The following GFOD1 variants were observed in gnomAD, a reference collection of about 807,000 sequenced individuals.
The protein encoded by GFOD1 is glucose-fructose oxidoreductase domain-containing protein 1.
In GFOD1, 9 loss-of-function variants were observed where a neutral mutation model predicts 25.4. The observed-to-expected ratio is 0.35, with a 90% confidence interval of 0.21 to 0.62. The LOEUF is 0.62. GFOD1 is among the 20% of genes least tolerant of loss of function. The probability of loss-of-function intolerance (pLI) is 0.72; values close to 1 mark genes in which losing one functional copy is unlikely to be tolerated. For synonymous variants in GFOD1, 253 were observed against 245.6 expected (o/e 1.03, Z -0.28); for missense variants, 403 against 556.9 (o/e 0.72, Z 2.78).
chr6:13,443,776 AT>A (rs1757955475), intron 1 of GFOD1, among the ~76,000 whole-genome samples: 1 of 147,700 alleles, frequency 6.8e-6, no homozygotes, highest in South Asian at 2.1e-4. Context: ...AAATTGCACC[AT>A]TGCACTCCAG....
intron 1 of GFOD1, among the ~76,000 whole-genome samples, chr6:13,394,178 TC>T (rs1369419927): frequency 6.6e-6 from 1 of 152,176 alleles, no homozygotes; most frequent in Non-Finnish European, 1.5e-5. Context: ...TCACACATTA[TC>T]TTTTTCATAA....
In GFOD1 at chr6:13,359,192, G is replaced by T. The variant is rs549896082; in HGVS notation, c.*5551C>A. On this transcript the variant is annotated 3_prime_UTR_variant, in exon 2 of 2. Transcript: ENST00000379287. ...CCAGCTGCTGGCTCCTGTGCCTGGCGGGGAGAAGGTGGAGAGGCGGGCATG... is the reference window on the plus strand; with the variant it reads ...CCAGCTGCTGGCTCCTGTGCCTGGCTGGGAGAAGGTGGAGAGGCGGGCATG... 1 of 152,278 alleles carries T rather than the reference G, an allele frequency of 6.6e-6. No individual in the cohort carries two copies. The highest frequency in any genetic ancestry group is 2.4e-5 in the African/African-American group (1 of 41,436). The allele number at this position is 152,278 out of a possible 1,614,324, so 9.4% of individuals were successfully genotyped here. A position where few individuals can be genotyped will look rare whatever the true frequency, so the allele number is the denominator to read the frequency against.
chr6:13,371,471 C>T (rs534790190), intron 1 of GFOD1, among the ~76,000 whole-genome samples: 2 of 152,252 alleles, frequency 1.3e-5, no homozygotes, highest in Admixed American at 1.3e-4. Flanking sequence ...AAATGTGGTG[C>T]CCACTTTCTG....
intron 1 of GFOD1, among the ~76,000 whole-genome samples, chr6:13,460,786 C>T (rs896741664): frequency 3.3e-5 from 5 of 152,156 alleles, no homozygotes; most frequent in Non-Finnish European, 7.3e-5. Context: ...GGCACACATT[C>T]ACCTATGTAA....
intron 1 of GFOD1, chr6:13,470,444 G>T (rs778859122): frequency 6.5e-7 from 1 of 1,550,232 alleles, no homozygotes; most frequent in Non-Finnish European, 8.7e-7. Context: ...AAGTTAGACA[G>T]GCTGCATCCC....
chr6:13,374,104 C>T (rs1349755411), intron 1 of GFOD1, among the ~76,000 whole-genome samples: 6 of 152,110 alleles, frequency 3.9e-5, no homozygotes, highest in Non-Finnish European at 7.4e-5. Flanking sequence ...TCTACACAAC[C>T]AGGTACTTGT....
intron 1 of GFOD1, among the ~76,000 whole-genome samples, chr6:13,460,311 A>G (rs1017161927): frequency 1.2e-4 from 18 of 152,190 alleles, no homozygotes; most frequent in African/African-American, 4.3e-4. Context: ...TCCCATTACT[A>G]GGTATATACT....
intron 1 of GFOD1, among the ~76,000 whole-genome samples, chr6:13,452,742 G>A (rs1758121056): frequency 1.3e-5 from 2 of 152,016 alleles, no homozygotes; most frequent in African/African-American, 4.8e-5. Flanking sequence ...GAGCCAAGCA[G>A]GCAGACTTAG....
chr6:13,486,378 C>T, intron 1 of GFOD1: 1 of 572,940 alleles, frequency 1.7e-6, no homozygotes. Context: ...GGAACACACG[C>T]CTTCTCCAGC....
intron 1 of GFOD1, among the ~76,000 whole-genome samples, chr6:13,366,318 C>T (rs1212082590): frequency 6.6e-6 from 1 of 151,728 alleles, no homozygotes; most frequent in South Asian, 2.1e-4. Context: ...GTAGCTAAGA[C>T]AGTAGGTGCC....
intron 1 of GFOD1, among the ~76,000 whole-genome samples, chr6:13,455,748 C>A (rs1053504256): frequency 2.6e-5 from 4 of 152,180 alleles, no homozygotes; most frequent in Non-Finnish European, 5.9e-5. Context: ...CAGAAGGTCA[C>A]CTTGCCCCAT....
chr6:13,389,357 C>T (rs1243095221), intron 1 of GFOD1, among the ~76,000 whole-genome samples: 1 of 152,200 alleles, frequency 6.6e-6, no homozygotes, highest in Non-Finnish European at 1.5e-5. Context: ...AGTCTTGGAA[C>T]CAACCCAAAT....
At chr6:13,454,760 G>A (rs1758158900) in intron 1 of GFOD1, among the ~76,000 whole-genome samples, 1 of 152,144 alleles carries the variant, frequency 6.6e-6, no homozygotes, top group Non-Finnish European at 1.5e-5. Context: ...CAGTGCATGA[G>A]TCACAGACAG....
intron 1 of GFOD1, among the ~76,000 whole-genome samples, chr6:13,419,636 C>T (rs1047201829): frequency 2.0e-5 from 3 of 152,200 alleles, no homozygotes; most frequent in Non-Finnish European, 4.4e-5. Context: ...GCAGGACCCT[C>T]CACGATCTGC....
intron 1 of GFOD1, among the ~76,000 whole-genome samples, chr6:13,445,317 A>G (rs549563433): frequency 9.2e-5 from 14 of 152,328 alleles, no homozygotes; most frequent in Non-Finnish European, 1.9e-4. Context: ...TAAGGAAATA[A>G]TATGCATATA....
chr6:13,429,478 C>T (rs1011149787), intron 1 of GFOD1, among the ~76,000 whole-genome samples: 1 of 152,206 alleles, frequency 6.6e-6, no homozygotes, highest in African/African-American at 2.4e-5. Flanking sequence ...GTGAGTTCCA[C>T]GGTCCTCTCA....
rs1029473016 is a variant in GFOD1 at position 13,361,362 on chromosome 6, G to C, written c.*3381C>G. 1 of 158,576 alleles carries C rather than the reference G, an allele frequency of 6.3e-6. No homozygotes were observed. The highest frequency in any genetic ancestry group is 1.9e-4 in the East Asian group (1 of 5,350). 9.8% of individuals were successfully genotyped at this position (158,576 alleles called of 1,614,324 possible). On this transcript the variant is annotated 3_prime_UTR_variant, in exon 2 of 2. Transcript: ENST00000379287. Reference sequence around the variant, plus strand: ...TCATAACTTGGAATCTAGGCCATTCGCACATTGATGGGAACGAAACAGGCA... The same window carrying C: ...TCATAACTTGGAATCTAGGCCATTCCCACATTGATGGGAACGAAACAGGCA...
intron 1 of GFOD1, among the ~76,000 whole-genome samples, chr6:13,436,197 T>C (rs1460149444): frequency 6.6e-6 from 1 of 152,266 alleles, no homozygotes; most frequent in Admixed American, 6.5e-5. Flanking sequence ...GCTAAAAGTA[T>C]ACAAACATGT....
intron 1 of GFOD1, among the ~76,000 whole-genome samples, chr6:13,418,480 T>C (rs577428541): frequency 6.6e-6 from 1 of 152,350 alleles, no homozygotes; most frequent in East Asian, 1.9e-4. Flanking sequence ...AGCCTTCAGT[T>C]TGCTCATGTG....
Sources: allele counts gnomAD v4.1 joint callset (sites outside exome capture counted in the v4.1 genomes callset), GRCh38; gene constraint gnomAD v4.1.1; transcripts MANE v1.5; gene names NCBI Gene and HGNC (gene_info 2026-07-23, HGNC 2026-07-21).